GPR132: variants seen among roughly 807,000 people sequenced by gnomAD.
GPR132 encodes G protein-coupled receptor 132.
In GPR132, 4 loss-of-function variants were observed where a neutral mutation model predicts 1.9. That is an observed-to-expected ratio of 2.13 (90% CI 1.05 to 4.87). The LOEUF is 4.87. Among genes scored for constraint, GPR132 ranks in the 30% most tolerant of loss-of-function variants. The pLI is 0.01. For missense variants in GPR132, 404 were observed against 512.5 expected (o/e 0.79, Z 2.04); for synonymous variants, 233 against 234.2 (o/e 0.99, Z 0.05).
intron 1 of GPR132, among the ~76,000 whole-genome samples, chr14:105,061,032 G>T (rs929461168): frequency 6.6e-6 from 1 of 152,238 alleles, no homozygotes; most frequent in Non-Finnish European, 1.5e-5. Flanking sequence ...AGCTGCTGAC[G>T]TCCAGATCCC....
rs371754894 is a variant in GPR132 at position 105,064,403 on chromosome 14, G to A, written c.-861+976C>T. Among the ~76,000 whole-genome samples the A allele has an allele frequency of 1.1e-4, 17 of 151,926 alleles. No homozygotes were observed. In the East Asian group the frequency reaches 3.1e-3, roughly 28 times the overall value. On this transcript the variant is annotated intron_variant, in intron 1 of 3. Coordinates refer to ENST00000329797, the MANE Select transcript of GPR132 (RefSeq NM_013345.4). ...GGCTAGAGTGCAATGGCGCGATCTC[G>A]GCTCACTGCAAGCTCCGCCTCTCAG... is the stretch of plus-strand genomic sequence containing the variant.
chr14:105,052,871 A>G lies in GPR132; in HGVS notation c.35-769T>C, dbSNP rs898617606. On this transcript the variant is annotated intron_variant, in intron 3 of 3. Coordinates refer to ENST00000329797, the MANE Select transcript of GPR132 (RefSeq NM_013345.4). ...CTACTCTGGAGGCTGAGGCAGGAGAATCACTTGAACCCAGGAGGCGGAGGT... is the reference window on the plus strand; with the variant it reads ...CTACTCTGGAGGCTGAGGCAGGAGAGTCACTTGAACCCAGGAGGCGGAGGT... Among the ~76,000 whole-genome samples, 6 of 151,314 alleles carry G rather than the reference A, an allele frequency of 4.0e-5. No homozygotes were observed. The East Asian group carries it at 1.2e-3, about 31-fold the overall frequency.
At chr14:105,054,440 T>C in intron 3 of GPR132, 1 of 977,374 alleles carries the variant, frequency 1.0e-6, no homozygotes, top group Non-Finnish European at 1.2e-6. Flanking sequence ...TTTTTTTTTT[T>C]TGAGACGTAG....
At chr14:105,064,208 C>T (rs141420902) in intron 1 of GPR132, among the ~76,000 whole-genome samples, 2 of 152,334 alleles carry the variant, frequency 1.3e-5, no homozygotes, top group Non-Finnish European at 2.9e-5. Context: ...CTTTTACTCC[C>T]ACCTGCTTTG....
rs1052176820 is a variant in GPR132, at chr14:105,056,094, G to C, written c.-674C>G. The C allele has an allele frequency of 1.0e-6, 1 of 979,882 alleles. No individual in the cohort carries two copies. The highest frequency in any genetic ancestry group is 6.2e-5 in the Admixed American group (1 of 16,252). The allele number at this position is 979,882 out of a possible 1,614,324, so 60.7% of individuals were successfully genotyped here. A position where few individuals can be genotyped will look rare whatever the true frequency, so the allele number is the denominator to read the frequency against. On this transcript the variant is annotated 5_prime_UTR_variant, in exon 3 of 4. Coordinates refer to ENST00000329797, the MANE Select transcript of GPR132 (RefSeq NM_013345.4). The surrounding 1 kb of genome is among the most constrained non-coding windows in gnomAD (Gnocchi z 6.0). ...TTCCCCCGGCGGTGTGCAGGGCTCC[G>C]GTCTCCCCACAGCCTCGCTGCGCTT...
intron 3 of GPR132, among the ~76,000 whole-genome samples, chr14:105,052,953 CCTT>C (rs1886691075): frequency 6.7e-6 from 1 of 149,548 alleles, no homozygotes; most frequent in African/African-American, 2.5e-5. Context: ...GAGTGAGACT[CCTT>C]CTCAAAAAAA....
At chr14:105,061,186 C>G (rs1160191202) in intron 1 of GPR132, among the ~76,000 whole-genome samples, 1 of 152,272 alleles carries the variant, frequency 6.6e-6, no homozygotes, top group Admixed American at 6.5e-5. Context: ...CTCCCTCGCA[C>G]CGAGGTCCAG....
chr14:105,057,255 C>G lies in GPR132; in HGVS notation c.-835G>C. On this transcript the variant is annotated 5_prime_UTR_variant, in exon 2 of 4. Transcript: ENST00000329797. ...ATGCGTCTTGTCGGTCCTATCAAGA[C>G]GTTCACTCTGAGAGTTTAAAATGAC... 1 of 972,006 alleles carries G rather than the reference C, an allele frequency of 1.0e-6. No individual in the cohort carries two copies. The highest frequency in any genetic ancestry group is 1.6e-6 in the Non-Finnish European group (1 of 636,286). 60.2% of individuals were successfully genotyped at this position (972,006 alleles called of 1,614,324 possible).
chr14:105,053,613 T>A (rs1209883985), intron 3 of GPR132, among the ~76,000 whole-genome samples: 3 of 152,062 alleles, frequency 2.0e-5, no homozygotes, highest in Non-Finnish European at 4.4e-5. Context: ...AATTGGGGCA[T>A]AGGAGTCACA....
intron 1 of GPR132, among the ~76,000 whole-genome samples, chr14:105,062,978 G>A (rs1007063014): frequency 2.0e-5 from 3 of 152,050 alleles, no homozygotes; most frequent in Non-Finnish European, 2.9e-5. Flanking sequence ...CCAGGCTGGA[G>A]TACAGTGGCA....
intron 1 of GPR132, among the ~76,000 whole-genome samples, chr14:105,058,878 C>T (rs201250119): frequency 1.0e-3 from 153 of 152,360 alleles, no homozygotes; most frequent in African/African-American, 3.4e-3. Flanking sequence ...GGGAGGAGAG[C>T]GCCCTAAACC....
At chr14:105,058,233 C>T (rs1886852800) in intron 1 of GPR132, among the ~76,000 whole-genome samples, 2 of 151,996 alleles carry the variant, frequency 1.3e-5, no homozygotes. Context: ...TGATGGTGCA[C>T]ACGTGTAGTC....
chr14:105,057,058 G>A lies in GPR132; in HGVS notation c.-747+109C>T, dbSNP rs75340265. On this transcript the variant is annotated intron_variant, in intron 2 of 3. Coordinates refer to ENST00000329797, the MANE Select transcript of GPR132 (RefSeq NM_013345.4). The stretch of plus-strand genomic sequence containing the variant: ...TTATTGCTGAGCTAGTTTTTATCTC[G>A]ATAATCTATTTTTATGCGTTAATTT... The A allele has an allele frequency of 2.7e-3, 2,063 of 770,252 alleles. 36 individuals carry two copies. In the African/African-American group the frequency reaches 0.032, roughly 12 times the overall value. The allele number at this position is 770,252 out of a possible 1,614,324, so 47.7% of individuals were successfully genotyped here. A position where few individuals can be genotyped will look rare whatever the true frequency, so the allele number is the denominator to read the frequency against.
rs549405803 is a variant in GPR132, at chr14:105,053,489, T to A, written c.35-1387A>T. Among the ~76,000 whole-genome samples the A allele has an allele frequency of 2.0e-5, 3 of 152,296 alleles. No individual in the cohort carries two copies. The East Asian group carries it at 5.8e-4, about 29-fold the overall frequency. ...TGTAGTCTTACCACATATTTGCCTG[T>A]GTGAACTATCAATTACTAAAAAAGA... On this transcript the variant is annotated intron_variant, in intron 3 of 3. Coordinates refer to ENST00000329797, the MANE Select transcript of GPR132 (RefSeq NM_013345.4).
intron 1 of GPR132, among the ~76,000 whole-genome samples, chr14:105,061,349 C>T (rs150309344): frequency 1.3e-5 from 2 of 152,362 alleles, no homozygotes; most frequent in African/African-American, 4.8e-5. Context: ...GAGGGCCTTC[C>T]TGGACCAGGG....
At position 105,060,885 on chromosome 14, in the gene GPR132, G is replaced by A. The variant is rs531939330; in HGVS notation, c.-860-3605C>T. Among the ~76,000 whole-genome samples the A allele has an allele frequency of 4.5e-4, 69 of 152,348 alleles. No homozygotes were observed. The highest frequency in any genetic ancestry group is 1.6e-3 in the African/African-American group (65 of 41,592). Reference sequence around the variant, plus strand: ...CAGTGGAAATGCACGCTCCCCTCCCGGGCCCCAGCCGCAGGCAGAGGCTCA... The same window carrying A: ...CAGTGGAAATGCACGCTCCCCTCCCAGGCCCCAGCCGCAGGCAGAGGCTCA... On this transcript the variant is annotated intron_variant, in intron 1 of 3. Transcript: ENST00000329797. The surrounding 1 kb of genome is among the most constrained non-coding windows in gnomAD (Gnocchi z 6.3).
chr14:105,053,753 A>G (rs1367588269), intron 3 of GPR132, among the ~76,000 whole-genome samples: 3 of 151,976 alleles, frequency 2.0e-5, no homozygotes, highest in Non-Finnish European at 2.9e-5. Flanking sequence ...ACATGTAGAT[A>G]TGGCAGGTTA....
In GPR132 at chr14:105,051,565, T is replaced by G; in HGVS notation, c.572A>C (p.Gln191Pro). ...EDKETCFDML[Q>P]MDSRIAGYYY... is the part of the protein sequence containing the mutation. Reference sequence around the variant, plus strand: ...GTACCCGGCAATCCTGCTGTCCATCTGCAGCATGTCAAAGCAGGTCTCCTT... The same window carrying G: ...GTACCCGGCAATCCTGCTGTCCATCGGCAGCATGTCAAAGCAGGTCTCCTT... The change falls in exon 4 of 4, where the codon CAG (glutamine) becomes CCG (proline). Residue 191 changes from glutamine to proline, a missense_variant. Physicochemically the swap from Gln to Pro is moderately conservative, Grantham distance 76 (BLOSUM62 -1). Transcript: ENST00000329797. This position sits in a 1 kb window ranked among gnomAD's most constrained non-coding sequence, Gnocchi z 8.0. The G allele has an allele frequency of 6.2e-7, 1 of 1,614,038 alleles. No homozygotes were observed. The highest frequency in any genetic ancestry group is 8.5e-7 in the Non-Finnish European group (1 of 1,180,020).
Position 105,050,724 on chromosome 14 carries a change from G to A in GPR132, c.*270C>T, listed in dbSNP as rs537065283. The A allele has an allele frequency of 6.6e-5, 34 of 512,130 alleles. 2 individuals are homozygous for A. The South Asian group carries it at 9.2e-4, about 14-fold the overall frequency. 31.7% of individuals were successfully genotyped at this position (512,130 alleles called of 1,614,324 possible). A position where few individuals can be genotyped will look rare whatever the true frequency, so the allele number is the denominator to read the frequency against. On this transcript the variant is annotated 3_prime_UTR_variant, in exon 4 of 4. Coordinates refer to ENST00000329797, the MANE Select transcript of GPR132 (RefSeq NM_013345.4). The surrounding 1 kb of genome is among the most constrained non-coding windows in gnomAD (Gnocchi z 4.0). ...CACAGCCAAGGGAGCCAGCCAGGCA[G>A]GCTGCTGATGAAGAGGCCCCACTGC...
Sources: gnomAD v4.1 joint callset for allele counts (sites outside exome capture counted in the v4.1 genomes callset) on GRCh38, gnomAD v4.1.1 for gene constraint, Gnocchi (gnomAD v3.1) non-coding constraint, MANE v1.5 for transcripts, NCBI Gene and HGNC (gene_info 2026-07-23, HGNC 2026-07-21) for gene names.